Variants in APPBP2 observed in about 807,000 individuals in gnomAD.
APPBP2 encodes the protein amyloid protein-binding protein 2.
In APPBP2, 15 loss-of-function variants were observed where a neutral mutation model predicts 76.0. The observed-to-expected ratio is 0.20, with a 90% CI of 0.13 to 0.30. The LOEUF is 0.30. APPBP2 is among the 10% of genes least tolerant of loss of function. APPBP2 has a pLI of 1.00. For synonymous variants in APPBP2, 222 were observed against 242.2 expected (o/e 0.92, Z 0.77); for missense variants, 401 against 687.2 (o/e 0.58, Z 4.66).
intron 4 of APPBP2, among the ~76,000 whole-genome samples, chr17:60,476,251 A>G (rs968179632): frequency 7.2e-5 from 11 of 152,240 alleles, no homozygotes; most frequent in African/African-American, 2.7e-4. Flanking sequence ...CCTTTGTTGT[A>G]TAATGTTTTG....
intron 3 of APPBP2, among the ~76,000 whole-genome samples, chr17:60,485,958 C>T (rs1048410901): frequency 7.2e-5 from 11 of 152,078 alleles, no homozygotes; most frequent in African/African-American, 2.7e-4. Context: ...CGTTATTTAC[C>T]CAGTAGTCAT....
At chr17:60,506,014 T>C (rs191374777) in intron 1 of APPBP2, among the ~76,000 whole-genome samples, 2 of 150,476 alleles carry the variant, frequency 1.3e-5, no homozygotes, top group Admixed American at 6.6e-5. Context: ...GGAGACAGTC[T>C]GGCCTCTGTC....
intron 4 of APPBP2, among the ~76,000 whole-genome samples, chr17:60,471,888 G>A (rs1000582138): frequency 2.0e-5 from 3 of 152,194 alleles, no homozygotes; most frequent in African/African-American, 7.2e-5. Context: ...AACTTTGGGA[G>A]GCCAAGGTGG....
chr17:60,456,235 C>G, intron 10 of APPBP2, 61 bp downstream of exon 10: 1 of 1,110,556 alleles, frequency 9.0e-7, no homozygotes, highest in Non-Finnish European at 1.4e-6. Flanking sequence ...AAACAAATAC[C>G]CCTATTTTAT....
At chr17:60,468,303 C>T (rs2090526441) in intron 4 of APPBP2, 1 of 151,692 alleles carries the variant, frequency 6.6e-6, no homozygotes, top group Non-Finnish European at 1.5e-5. Context: ...GATACTGTAA[C>T]AGTCCAGAAA....
chr17:60,492,505 G>A (rs573012452), intron 3 of APPBP2, among the ~76,000 whole-genome samples: 7 of 152,296 alleles, frequency 4.6e-5, no homozygotes, highest in African/African-American at 7.2e-5. Context: ...CCACAGGGGC[G>A]GAGCTGCCCA....
intron 1 of APPBP2, among the ~76,000 whole-genome samples, chr17:60,508,667 C>T (rs758794363): frequency 6.6e-6 from 1 of 152,150 alleles, no homozygotes; most frequent in Non-Finnish European, 1.5e-5. Context: ...AACATCTCCT[C>T]TAGCTTTAGC....
At chr17:60,448,431 C>G (rs558474791) in intron 12 of APPBP2, among the ~76,000 whole-genome samples, 1 of 152,210 alleles carries the variant, frequency 6.6e-6, no homozygotes, top group East Asian at 1.9e-4. Flanking sequence ...CCACTGCACT[C>G]CAGCTTGGGT....
intron 2 of APPBP2, chr17:60,496,304 C>T (rs1194192413): frequency 6.6e-6 from 1 of 151,772 alleles, no homozygotes; most frequent in East Asian, 1.9e-4. Context: ...AATCACATTT[C>T]AATAGAAAAA....
rs567702267 is a variant in APPBP2, at chr17:60,465,748, G to A, written c.672+543C>T. On this transcript the variant is annotated intron_variant, in intron 5 of 12. Transcript: ENST00000083182. ...AACCAAACAATTTAGGCAAATATTT[G>A]GTTAAATTAAAAGAAAAACAACAAA... 2.5e-4 allele frequency among the ~76,000 whole-genome samples: 38 copies of A among 152,044 alleles called. 1 individual carries two copies. Among genetic ancestry groups the A allele is most frequent in the South Asian group, 1.5e-3 (7 of 4,802 alleles).
chr17:60,460,190 A>G (rs1420173534), intron 9 of APPBP2: 1 of 152,740 alleles, frequency 6.5e-6, no homozygotes, highest in Non-Finnish European at 1.5e-5. Flanking sequence ...AATAACCTAT[A>G]AATTAGTATG....
chr17:60,512,095 T>A (rs1339418094), intron 1 of APPBP2, among the ~76,000 whole-genome samples: 1 of 145,906 alleles, frequency 6.9e-6, no homozygotes, highest in Admixed American at 6.6e-5. Flanking sequence ...GGTGTTTTTT[T>A]ATTATTATTA....
chr17:60,489,053 A>G (rs1598361596), intron 3 of APPBP2, among the ~76,000 whole-genome samples: 1 of 150,708 alleles, frequency 6.6e-6, no homozygotes, highest in South Asian at 2.1e-4. Context: ...AAACCTCATC[A>G]CTACTAAAAA....
intron 9 of APPBP2, 26 bp downstream of exon 9, chr17:60,460,637 T>C (rs1387010691): frequency 6.3e-7 from 1 of 1,598,314 alleles, no homozygotes; most frequent in Non-Finnish European, 8.5e-7. Context: ...ATTTCCTCCT[T>C]CAGAGAAAAG....
intron 9 of APPBP2, among the ~76,000 whole-genome samples, chr17:60,458,725 T>A (rs534381906): frequency 6.6e-6 from 1 of 151,910 alleles, no homozygotes; most frequent in Non-Finnish European, 1.5e-5. Flanking sequence ...TCTTTAATCA[T>A]ATAAAGAACA....
rs2090318356 is a variant in APPBP2, at chr17:60,443,451, TTTTTA to T, written c.*4125_*4129del. ...TGTTTTTAACTGTTCCATTAAGAAC[TTTTTA>T]TTTTGAGCCTATTAAACTAAAATCC... is the stretch of plus-strand genomic sequence containing the variant. On this transcript the variant is annotated 3_prime_UTR_variant, in exon 13 of 13. Coordinates refer to ENST00000083182, the MANE Select transcript of APPBP2 (RefSeq NM_006380.5). The T allele has an allele frequency of 6.6e-6, 1 of 152,670 alleles. No individual in the cohort carries two copies. Among genetic ancestry groups the T allele is most frequent in the Non-Finnish European group, 1.5e-5 (1 of 68,034 alleles). The allele number at this position is 152,670 out of a possible 1,614,324, so 9.5% of individuals were successfully genotyped here.
At chr17:60,464,731 T>C (rs1872044652) in intron 5 of APPBP2, 1 of 152,394 alleles carries the variant, frequency 6.6e-6, no homozygotes, top group Admixed American at 6.6e-5. Context: ...TGGTGCTTAG[T>C]GGAAGAAATA....
At chr17:60,462,381 A>T (rs1645293206) in intron 6 of APPBP2, 1 of 227,994 alleles carries the variant, frequency 4.4e-6, no homozygotes, top group East Asian at 9.9e-5. Flanking sequence ...ATGGGGGCAG[A>T]ATTTACCACA....
intron 5 of APPBP2, chr17:60,465,115 T>C (rs2090501480): frequency 6.6e-6 from 1 of 152,208 alleles, no homozygotes; most frequent in African/African-American, 2.4e-5. Context: ...ATGTGCCACT[T>C]CTGGAAGAAA....
Sources: allele counts gnomAD v4.1 joint callset (sites outside exome capture counted in the v4.1 genomes callset), GRCh38; gene constraint gnomAD v4.1.1; transcripts MANE v1.5; gene names NCBI Gene and HGNC (gene_info 2026-07-23, HGNC 2026-07-21).